The following DDX47 variants were observed in gnomAD, a reference collection of about 807,000 sequenced individuals.
DDX47 encodes DEAD-box helicase 47.
DDX47 carries 60 observed loss-of-function variants against 58.8 expected under a neutral mutation model. The ratio of observed to expected loss-of-function variants is 1.02; its 90% confidence interval spans 0.83 to 1.26. The LOEUF (loss-of-function observed/expected upper bound fraction) is 1.26, where lower values mean the gene tolerates loss of function less well. Ranked by LOEUF, DDX47 falls within the 50% of genes most tolerant of loss-of-function variation. The pLI, the probability that DDX47 is intolerant of heterozygous loss-of-function variation, is 0.00. For synonymous variants in DDX47, 197 were observed against 204.6 expected (o/e 0.96, Z 0.32); for missense variants, 530 against 573.2 (o/e 0.92, Z 0.77).
chr12:12,821,782 C>T, intron 4 of DDX47, 56 bp downstream of exon 4: 1 of 1,416,460 alleles, frequency 7.1e-7, no homozygotes, highest in African/African-American at 1.4e-5. Context: ...AGAAAATCTA[C>T]CAGTGTTGGA....
chr12:12,828,836 C>T (rs190089878), intron 11 of DDX47, among the ~76,000 whole-genome samples: 11 of 152,194 alleles, frequency 7.2e-5, no homozygotes, highest in Non-Finnish European at 1.5e-4. Context: ...ATAGGATTAA[C>T]ATTTTTCTGT....
At chr12:12,825,540 A>G (rs541037976) in intron 9 of DDX47, among the ~76,000 whole-genome samples, 1 of 152,308 alleles carries the variant, frequency 6.6e-6, no homozygotes, top group African/African-American at 2.4e-5. Flanking sequence ...TAACTGCTGT[A>G]GACAAGATGC....
rs1425954806 is a variant in DDX47 at position 12,814,514 on chromosome 12, G to A, written c.181+290G>A. ...TGGTAGACTTTATGCATCAGTGGGC[G>A]CACACTTAGGGAAGGATGCCTGGAA... is the stretch of plus-strand genomic sequence containing the variant. On this transcript the variant is annotated intron_variant, in intron 2 of 11. Coordinates refer to ENST00000358007, the MANE Select transcript of DDX47 (RefSeq NM_016355.4). 10 of 321,414 alleles carry A rather than the reference G, an allele frequency of 3.1e-5. No individual in the cohort carries two copies. The East Asian group carries it at 3.1e-4, about 10-fold the overall frequency. The allele number at this position is 321,414 out of a possible 1,614,324, so 19.9% of individuals were successfully genotyped here.
chr12:12,823,123 G>A, intron 6 of DDX47, 80 bp from the exon 7 acceptor site: 3 of 900,684 alleles, frequency 3.3e-6, no homozygotes, highest in East Asian at 2.4e-5. Context: ...TGAGATTTGG[G>A]TGAGGACACA....
In DDX47 at chr12:12,823,534, A is replaced by G. The variant is rs1477165714; in HGVS notation, c.750+215A>G. 1.4e-5 allele frequency: 8 copies of G among 569,370 alleles called. No individual in the cohort carries two copies. The African/African-American group carries it at 1.5e-4, about 11-fold the overall frequency. The allele number at this position is 569,370 out of a possible 1,614,324, so 35.3% of individuals were successfully genotyped here. A position where few individuals can be genotyped will look rare whatever the true frequency, so the allele number is the denominator to read the frequency against. On this transcript the variant is annotated intron_variant, in intron 7 of 11. Transcript: ENST00000358007. The stretch of plus-strand genomic sequence containing the variant: ...ATCACAATACTGAGGTCATGATGTA[A>G]TCATATAATTCCTTCCCATCCCCAT...
In DDX47 at chr12:12,822,684, T is replaced by G; in HGVS notation, c.585T>G (p.Ile195Met). 1.2e-6 allele frequency: 2 copies of G among 1,614,108 alleles called. No individual in the cohort carries two copies. The highest frequency in any genetic ancestry group is 1.7e-6 in the Non-Finnish European group (2 of 1,179,984). The change falls in exon 6 of 12, where the codon ATT becomes ATG. Residue 195 changes from isoleucine to methionine, a missense_variant. By Grantham distance (10) the Ile-to-Met change is conservative (BLOSUM62 1). Coordinates refer to ENST00000358007, the MANE Select transcript of DDX47 (RefSeq NM_016355.4). ...ETEVDKILKV[I>M]PRDRKTFLFS... ...AGGTTGACAAGATCCTCAAAGTGAT[T>G]CCTCGAGATCGGAAAACATTCCTCT... is the stretch of plus-strand genomic sequence containing the variant.
intron 8 of DDX47, 110 bp from the exon 9 acceptor site, chr12:12,824,430 G>T: frequency 7.7e-7 from 1 of 1,297,108 alleles, no homozygotes; most frequent in Non-Finnish European, 1.1e-6. Context: ...AACTTAGGGG[G>T]AAAAACCTTT....
At chr12:12,817,009 C>A (rs148061129) in intron 2 of DDX47, among the ~76,000 whole-genome samples, 129 of 152,284 alleles carry the variant, frequency 8.5e-4, no homozygotes, top group African/African-American at 3.0e-3. Flanking sequence ...CAGAAATGAT[C>A]ACCATAGAAA....
At chr12:12,824,062 G>A (rs771398154) in intron 8 of DDX47, 46 bp downstream of exon 8, 5 of 1,587,870 alleles carry the variant, frequency 3.1e-6, no homozygotes, top group East Asian at 4.5e-5. Context: ...TGGCGTGAGC[G>A]AGATAAACCT....
rs138411408 is a variant in DDX47 at position 12,827,344 on chromosome 12, G to A, written c.1205G>A (p.Arg402His). 1.4e-5 allele frequency: 23 copies of A among 1,614,132 alleles called. No homozygotes were observed. The highest frequency in any genetic ancestry group is 1.9e-5 in the Non-Finnish European group (22 of 1,180,020). ...GATGAGGTTATGATGCTGACAGAACGCGTCGCTGAAGCCCAAAGGTTTGCC... is the reference window on the plus strand; with the variant it reads ...GATGAGGTTATGATGCTGACAGAACACGTCGCTGAAGCCCAAAGGTTTGCC... ...QDDEVMMLTE[R>H]VAEAQRFARM... Residue 402 changes from arginine to histidine, a missense_variant, in exon 11 of 12, where the codon CGC (arginine) becomes CAC (histidine). Coordinates refer to ENST00000358007, the MANE Select transcript of DDX47 (RefSeq NM_016355.4).
intron 2 of DDX47, among the ~76,000 whole-genome samples, chr12:12,818,471 A>G (rs1480562614): frequency 1.3e-5 from 2 of 151,966 alleles, no homozygotes; most frequent in African/African-American, 2.4e-5. Context: ...CAGTGAGCCG[A>G]GATCTCGCCA....
At position 12,827,314 on chromosome 12, in the gene DDX47, A is replaced by T. The variant is rs779724816; in HGVS notation, c.1175A>T (p.Gln392Leu). The T allele has an allele frequency of 1.2e-6, 2 of 1,614,202 alleles. No individual in the cohort carries two copies. Among genetic ancestry groups the T allele is most frequent in the South Asian group, 2.2e-5 (2 of 91,086 alleles). ...AAGAAACTACCAGGTTTTCCAACACAGGATGATGAGGTTATGATGCTGACA... is the reference window on the plus strand; with the variant it reads ...AAGAAACTACCAGGTTTTCCAACACTGGATGATGAGGTTATGATGCTGACA... ...IGKKLPGFPT[Q>L]DDEVMMLTER... Residue 392 changes from glutamine (Q) to leucine (L), a missense_variant, in exon 11 of 12, where the codon CAG becomes CTG. Physicochemically the swap from Gln to Leu is moderately radical, Grantham distance 113. Coordinates refer to ENST00000358007, the MANE Select transcript of DDX47 (RefSeq NM_016355.4).
chr12:12,822,182 G>T, intron 5 of DDX47, 99 bp downstream of exon 5: 1 of 733,054 alleles, frequency 1.4e-6, no homozygotes, highest in Non-Finnish European at 2.4e-6. Flanking sequence ...CATTGCATTA[G>T]TATCAGTTTC....
At chr12:12,821,119 T>C (rs1862963553) in intron 2 of DDX47, 89 bp from the exon 3 acceptor site, 2 of 1,329,090 alleles carry the variant, frequency 1.5e-6, no homozygotes, top group South Asian at 2.5e-5. Context: ...TTATTAAGCG[T>C]CTACTTTGTG....
intron 2 of DDX47, 139 bp from the exon 3 acceptor site, chr12:12,821,069 T>G: frequency 1.2e-6 from 1 of 833,396 alleles, no homozygotes; most frequent in South Asian, 1.8e-5. Flanking sequence ...ATGTCTTTTC[T>G]GTTTATTCAA....
At chr12:12,826,245 A>AATTGGAGAT in intron 10 of DDX47, 175 bp downstream of exon 10, 3 of 485,208 alleles carry the variant, frequency 6.2e-6, no homozygotes, top group Middle Eastern at 3.1e-4. Flanking sequence ...TTTTGGTGAA[A>AATTGGAGAT]ATTGGAGATT....
At position 12,813,413 on chromosome 12, in the gene DDX47, C is replaced by G. The variant is rs1426279313; in HGVS notation, c.46C>G (p.Pro16Ala). 4 of 1,613,442 alleles carry G rather than the reference C, an allele frequency of 2.5e-6. No individual in the cohort carries two copies. In the Admixed American group the frequency reaches 5.0e-5, roughly 20 times the overall value. ...CGATTCTCCGACCGAAGCGTCCCAG[C>G]CGATTGTGGAAGAGGAGGAAACTAA... ...EHDSPTEASQ[P>A]IVEEEETKTF... is the part of the protein sequence containing the mutation. The change falls in exon 1 of 12, where the codon CCG (proline) becomes GCG (alanine). Residue 16 changes from proline (P) to alanine (A), a missense_variant. Coordinates refer to ENST00000358007, the MANE Select transcript of DDX47 (RefSeq NM_016355.4).
chr12:12,819,619 C>T (rs1862941172), intron 2 of DDX47, among the ~76,000 whole-genome samples: 1 of 152,162 alleles, frequency 6.6e-6, no homozygotes, highest in Non-Finnish European at 1.5e-5. Context: ...TTAGACATAT[C>T]TCTAAACAAG....
chr12:12,824,756 C>T, intron 9 of DDX47, 79 bp downstream of exon 9: 2 of 1,463,798 alleles, frequency 1.4e-6, no homozygotes, highest in Non-Finnish European at 9.4e-7. Flanking sequence ...TCCTTAGTTA[C>T]AGCAGTTATT....
Sources: allele counts gnomAD v4.1 joint callset (sites outside exome capture counted in the v4.1 genomes callset), GRCh38; gene constraint gnomAD v4.1.1; transcripts MANE v1.5; gene names NCBI Gene and HGNC (gene_info 2026-07-23, HGNC 2026-07-21).